Variants in NBEA observed in about 807,000 individuals in gnomAD.
The protein encoded by NBEA is lysosomal-trafficking regulator 2.
In NBEA, 44 loss-of-function variants were observed where a neutral mutation model predicts 343.4. That is an observed-to-expected ratio of 0.13 (90% CI 0.10 to 0.16). NBEA has a LOEUF of 0.16. NBEA is among the 10% of genes least tolerant of loss of function. The pLI, the probability that NBEA is intolerant of heterozygous loss-of-function variation, is 1.00. For missense variants in NBEA, 2,555 were observed against 3,631.3 expected (o/e 0.70, Z 7.62); for synonymous variants, 1,175 against 1,238.7 (o/e 0.95, Z 1.08).
At chr13:35,182,918 T>C (rs958819454) in intron 29 of NBEA, among the ~76,000 whole-genome samples, 4 of 152,004 alleles carry the variant, frequency 2.6e-5, no homozygotes, top group African/African-American at 9.7e-5. Context: ...CAAATCTTTG[T>C]AGCCAAGCTC....
chr13:35,308,438 CTATATATATATATATATA>C (rs5802761), intron 35 of NBEA, among the ~76,000 whole-genome samples: 8 of 88,970 alleles, frequency 9.0e-5, no homozygotes, highest in East Asian at 3.0e-4. Flanking sequence ...CTGCTATTTA[CTATATATATATATATATA>C]TATATATATA....
chr13:34,982,706 T>C (rs1375440325), intron 1 of NBEA, among the ~76,000 whole-genome samples: 1 of 152,194 alleles, frequency 6.6e-6, no homozygotes, highest in Non-Finnish European at 1.5e-5. Flanking sequence ...ATTTCCTGTT[T>C]TGGTGAAAAC....
chr13:35,390,899 A>G lies in NBEA; in HGVS notation c.6179+38576A>G, dbSNP rs565669993. ...TTTTCTTAATATTGCTGCTATACAA[A>G]AATGCCTGATTGAAGAGGAGTAATG... On this transcript the variant is annotated intron_variant, in intron 38 of 58. Coordinates refer to ENST00000379939, the MANE Select transcript of NBEA (RefSeq NM_001385012.1). Among the ~76,000 whole-genome samples, 133 of 152,260 alleles carry G rather than the reference A, an allele frequency of 8.7e-4. 2 individuals are homozygous for G. Among genetic ancestry groups the G allele is most frequent in the Non-Finnish European group, 1.4e-3 (97 of 68,016 alleles).
At chr13:35,111,594 C>G (rs2066209489) in intron 13 of NBEA, among the ~76,000 whole-genome samples, 1 of 151,854 alleles carries the variant, frequency 6.6e-6, no homozygotes, top group South Asian at 2.1e-4. Context: ...TTGAGATTTT[C>G]TCAATTTTTC....
At chr13:35,363,135 C>G (rs2040909066) in intron 38 of NBEA, among the ~76,000 whole-genome samples, 1 of 151,872 alleles carries the variant, frequency 6.6e-6, no homozygotes, top group Non-Finnish European at 1.5e-5. Flanking sequence ...GCTCCTAGCC[C>G]CTCCATGGGG....
chr13:35,023,884 G>T (rs889633894), intron 1 of NBEA, among the ~76,000 whole-genome samples: 4 of 152,126 alleles, frequency 2.6e-5, no homozygotes, highest in Non-Finnish European at 4.4e-5. Flanking sequence ...TGGGTAAATT[G>T]TGTGTCTTTG....
At chr13:35,016,420 A>G (rs1212145146) in intron 1 of NBEA, among the ~76,000 whole-genome samples, 1 of 152,118 alleles carries the variant, frequency 6.6e-6, no homozygotes, top group South Asian at 2.1e-4. Flanking sequence ...AGCAACTAGG[A>G]TATCTTGGAC....
chr13:35,361,385 C>G (rs745746555), intron 38 of NBEA, among the ~76,000 whole-genome samples: 3 of 152,050 alleles, frequency 2.0e-5, no homozygotes, highest in African/African-American at 7.2e-5. Context: ...AATGCAGAAG[C>G]GTTCTTTGTT....
intron 34 of NBEA, among the ~76,000 whole-genome samples, chr13:35,273,228 C>T (rs1194255889): frequency 6.6e-6 from 1 of 152,146 alleles, no homozygotes; most frequent in African/African-American, 2.4e-5. Context: ...TACATGGAAA[C>T]TGAAGACCCT....
intron 41 of NBEA, among the ~76,000 whole-genome samples, chr13:35,473,366 A>G (rs2075736991): frequency 6.6e-6 from 1 of 152,190 alleles, no homozygotes; most frequent in Non-Finnish European, 1.5e-5. Context: ...CTTTATTTTC[A>G]GAGGCAGTTA....
intron 35 of NBEA, among the ~76,000 whole-genome samples, chr13:35,292,537 T>C (rs574158098): frequency 7.0e-4 from 106 of 152,120 alleles, no homozygotes; most frequent in Non-Finnish European, 1.2e-3. Context: ...GCCGTCTTTG[T>C]GCCAAGGCAG....
At chr13:35,225,315 C>G (rs748589349) in intron 33 of NBEA, among the ~76,000 whole-genome samples, 14 of 152,098 alleles carry the variant, frequency 9.2e-5, no homozygotes, top group Non-Finnish European at 1.5e-4. Context: ...CTTCCCCTCC[C>G]TCAGAGTAGA....
chr13:35,375,746 A>T (rs1314690982), intron 38 of NBEA, among the ~76,000 whole-genome samples: 1 of 152,162 alleles, frequency 6.6e-6, no homozygotes, highest in Non-Finnish European at 1.5e-5. Flanking sequence ...AATGACAGAC[A>T]TTTGTCTTTG....
chr13:35,020,931 T>A (rs1267554822), intron 1 of NBEA, among the ~76,000 whole-genome samples: 1 of 152,214 alleles, frequency 6.6e-6, no homozygotes, highest in Non-Finnish European at 1.5e-5. Context: ...TGTCTATTTC[T>A]CTTTCATTTG....
intron 1 of NBEA, among the ~76,000 whole-genome samples, chr13:35,018,464 A>T (rs1467573818): frequency 6.6e-6 from 1 of 152,100 alleles, no homozygotes; most frequent in Non-Finnish European, 1.5e-5. Flanking sequence ...AAATATTTAG[A>T]TGTACTTACT....
At chr13:35,067,118 A>G (rs1472771346) in intron 8 of NBEA, among the ~76,000 whole-genome samples, 3 of 152,056 alleles carry the variant, frequency 2.0e-5, no homozygotes, top group Non-Finnish European at 4.4e-5. Flanking sequence ...TATGTTACGA[A>G]CCCAACATGA....
intron 38 of NBEA, among the ~76,000 whole-genome samples, chr13:35,384,714 C>T (rs960291129): frequency 2.1e-4 from 32 of 151,932 alleles, no homozygotes; most frequent in South Asian, 2.1e-3. Context: ...GTTGTAGAGA[C>T]GGGGTTTCAC....
At chr13:35,165,054 A>G in intron 24 of NBEA, 1 of 533,624 alleles carries the variant, frequency 1.9e-6, no homozygotes, top group Non-Finnish European at 3.9e-6. Context: ...ACTTGCTCAG[A>G]TGGGAAAGAA....
At chr13:35,322,918 C>T (rs1023872570) in intron 36 of NBEA, among the ~76,000 whole-genome samples, 5 of 152,070 alleles carry the variant, frequency 3.3e-5, no homozygotes, top group African/African-American at 1.2e-4. Flanking sequence ...GGCATGATCT[C>T]GGCTCACTGC....
Sources: allele counts gnomAD v4.1 joint callset (sites outside exome capture counted in the v4.1 genomes callset), GRCh38; gene constraint gnomAD v4.1.1; transcripts MANE v1.5; gene names NCBI Gene and HGNC (gene_info 2026-07-23, HGNC 2026-07-21).